The following EDDM3A variants were observed in gnomAD, a reference collection of about 807,000 sequenced individuals.
EDDM3A encodes the protein epididymal secretory protein E3-alpha.
For synonymous variants in EDDM3A, 75 were observed against 60.4 expected (o/e 1.24, Z -1.12); for missense variants, 199 against 177.4 (o/e 1.12, Z -0.69).
intron 1 of EDDM3A, among the ~76,000 whole-genome samples, chr14:20,747,151 C>T (rs12890496): frequency 0.72 from 106,238 of 146,812 alleles, 38,605 homozygotes; most frequent in East Asian, 0.89. Context: ...TCACCCAGGC[C>T]GGAGTGCAGA....
At chr14:20,741,292 G>T (rs60811168), upstream of EDDM3A, among the ~76,000 whole-genome samples, 6,882 of 152,272 alleles carry the variant, frequency 0.045, 543 homozygotes, top group African/African-American at 0.16. Flanking sequence ...AATTTAAAGA[G>T]GATAAACATG....
intron 1 of EDDM3A, among the ~76,000 whole-genome samples, chr14:20,746,221 T>TC (rs1391066296): frequency 6.6e-6 from 1 of 152,126 alleles, no homozygotes; most frequent in Non-Finnish European, 1.5e-5. Flanking sequence ...ATCCTACTCT[T>TC]CTATCTTGTG....
chr14:20,740,836 A>G, the EDDM3A span, among the ~76,000 whole-genome samples: 664 of 152,140 alleles, frequency 4.4e-3, 29 homozygotes, highest in East Asian at 0.1. Context: ...AAGATGCAGG[A>G]ATGGCCTCCT....
the EDDM3A span, among the ~76,000 whole-genome samples, chr14:20,738,983 T>C: frequency 6.6e-6 from 1 of 152,198 alleles, no homozygotes; most frequent in African/African-American, 2.4e-5. Context: ...TCCATAAGAA[T>C]GGAGGTTTCC....
intron 1 of EDDM3A, among the ~76,000 whole-genome samples, chr14:20,747,245 A>T (rs558082266): frequency 6.6e-6 from 1 of 151,838 alleles, no homozygotes; most frequent in Admixed American, 6.6e-5. Context: ...CTGGGTCTAC[A>T]GCCACCATGT....
At chr14:20,737,127 C>T in the EDDM3A span, among the ~76,000 whole-genome samples, 1 of 149,886 alleles carries the variant, frequency 6.7e-6, no homozygotes, top group African/African-American at 2.5e-5. Flanking sequence ...AATCTCGGCT[C>T]ACTGTAACCT....
chr14:20,745,474 C>T (rs1168677011), upstream of EDDM3A, among the ~76,000 whole-genome samples: 2 of 146,104 alleles, frequency 1.4e-5, no homozygotes, highest in Non-Finnish European at 3.0e-5. Flanking sequence ...TGCAGTGAGC[C>T]GAGATCTCGC....
the EDDM3A span, among the ~76,000 whole-genome samples, chr14:20,738,484 A>C: frequency 1.9e-3 from 231 of 120,262 alleles, 1 homozygote; most frequent in Middle Eastern, 0.027. Context: ...TAAATAAATA[A>C]ATAAATAAAT....
upstream of EDDM3A, among the ~76,000 whole-genome samples, chr14:20,742,157 A>G (rs1877453565): frequency 6.6e-6 from 1 of 152,218 alleles, no homozygotes; most frequent in South Asian, 2.1e-4. Flanking sequence ...CAACTGGCTC[A>G]GAATTTCTCT....
At chr14:20,739,856 T>TC in the EDDM3A span, among the ~76,000 whole-genome samples, 1,960 of 152,238 alleles carry the variant, frequency 0.013, 20 homozygotes, top group Non-Finnish European at 0.022. Context: ...GACCACCTGC[T>TC]CCCCCATTGT....
At chr14:20,742,414 G>C (rs930200493), upstream of EDDM3A, among the ~76,000 whole-genome samples, 2 of 152,200 alleles carry the variant, frequency 1.3e-5, no homozygotes, top group African/African-American at 4.8e-5. Context: ...AATCTTATCT[G>C]GACTTCTCTT....
At chr14:20,745,039 T>C (rs1322769941), upstream of EDDM3A, among the ~76,000 whole-genome samples, 1 of 152,076 alleles carries the variant, frequency 6.6e-6, no homozygotes, top group African/African-American at 2.4e-5. Flanking sequence ...CTGGCCAACA[T>C]GGTGAAACCC....
Position 20,748,081 on chromosome 14 carries a change from G to A in EDDM3A, c.*57G>A. The A allele has an allele frequency of 1.5e-5, 21 of 1,382,342 alleles. No homozygotes were observed. Among genetic ancestry groups the A allele is most frequent in the Non-Finnish European group, 2.0e-5 (20 of 1,017,898 alleles). The allele number at this position is 1,382,342 out of a possible 1,614,324, so 85.6% of individuals were successfully genotyped here. On this transcript the variant is annotated 3_prime_UTR_variant, in exon 2 of 2. Coordinates refer to ENST00000326842, the MANE Select transcript of EDDM3A (RefSeq NM_006683.5). ...AGTATTCAGTGCTTCCAAAGTGGTG[G>A]GCCCTGCCTCCATCAATAGCCCCTG...
chr14:20,742,896 T>A (rs978805362), upstream of EDDM3A, among the ~76,000 whole-genome samples: 3 of 152,080 alleles, frequency 2.0e-5, no homozygotes, highest in East Asian at 5.8e-4. Context: ...CACACCCAAC[T>A]AATTGTTTTA....
rs113082653 is a variant in EDDM3A at position 20,747,915 on chromosome 14, A to G, written c.335A>G (p.Asn112Ser). The change falls in exon 2 of 2, where the codon AAT becomes AGT. Residue 112 changes from asparagine (N) to serine (S), a missense_variant. Transcript: ENST00000326842. ...VLECHWEKYNNRYTESRSFSY... is the reference protein window; with the variant it reads ...VLECHWEKYNSRYTESRSFSY... ...GAGTGTCACTGGGAGAAGTACAACA[A>G]TAGGTACACAGAGAGCAGAAGCTTC... 15 of 1,614,158 alleles carry G rather than the reference A, an allele frequency of 9.3e-6. No individual in the cohort carries two copies. The African/African-American group carries it at 1.2e-4, about 13-fold the overall frequency.
chr14:20,740,766 T>C, the EDDM3A span, among the ~76,000 whole-genome samples: 1 of 152,170 alleles, frequency 6.6e-6, no homozygotes, highest in Non-Finnish European at 1.5e-5. Context: ...TCTCCCTCCT[T>C]CACCTGGTGA....
At chr14:20,744,882 T>C (rs566431718), upstream of EDDM3A, among the ~76,000 whole-genome samples, 1 of 152,320 alleles carries the variant, frequency 6.6e-6, no homozygotes, top group South Asian at 2.1e-4. Context: ...GTTCACTAGA[T>C]ATTCTTTCAC....
At chr14:20,747,064 C>G (rs1278368941) in intron 1 of EDDM3A, among the ~76,000 whole-genome samples, 1 of 150,592 alleles carries the variant, frequency 6.6e-6, no homozygotes, top group East Asian at 2.0e-4. Flanking sequence ...TTAGCTCTCA[C>G]AGGCTAAAGC....
Position 20,747,613 on chromosome 14 carries a change from C to G in EDDM3A, c.33C>G (p.Leu11=), listed in dbSNP as rs758157589. ...CCTCTCTAAAGATTTGGGGCATACT[C>G]TTGGCCCTGCTTTGCATCCTTTGCA... MTSSLKIWGI[L]LALLCILCRL... is the part of the protein sequence containing the mutation. Residue 11 remains leucine, a synonymous_variant, in exon 2 of 2, where the codon CTC becomes CTG. Transcript: ENST00000326842. The G allele has an allele frequency of 3.1e-6, 5 of 1,612,436 alleles. No individual in the cohort carries two copies. The highest frequency in any genetic ancestry group is 3.4e-6 in the Non-Finnish European group (4 of 1,179,086).
Sources: gnomAD v4.1 joint callset for allele counts (sites outside exome capture counted in the v4.1 genomes callset) on GRCh38, gnomAD v4.1.1 for gene constraint, MANE v1.5 for transcripts, NCBI Gene and HGNC (gene_info 2026-07-23, HGNC 2026-07-21) for gene names.